The following TRMT61B variants were observed in gnomAD, a reference collection of about 807,000 sequenced individuals.
The protein encoded by TRMT61B is tRNA methyltransferase 61B, also known as tRNA (adenine(58)-N(1))-methyltransferase, mitochondrial.
A neutral mutation model predicts 52.0 loss-of-function variants in TRMT61B; 56 were observed. The ratio of observed to expected loss-of-function variants is 1.08; its 90% CI spans 0.87 to 1.35. The LOEUF (loss-of-function observed/expected upper bound fraction) is 1.35. TRMT61B is among the 40% of genes most tolerant of loss of function. The probability of loss-of-function intolerance (pLI) is 0.00; values close to 1 mark genes in which losing one functional copy is unlikely to be tolerated. For synonymous variants in TRMT61B, 206 were observed against 220.0 expected (o/e 0.94, Z 0.56); for missense variants, 650 against 577.9 (o/e 1.12, Z -1.28).
At position 28,865,017 on chromosome 2, in the gene TRMT61B, C is replaced by T; in HGVS notation, c.802G>A (p.Val268Ile). 6.3e-7 allele frequency: 1 copy of T among 1,598,352 alleles called. No individual in the cohort carries two copies. Among genetic ancestry groups the T allele is most frequent in the Non-Finnish European group, 8.6e-7 (1 of 1,166,040 alleles). Reference sequence around the variant, plus strand: ...GATCCAGCTCAGTCCAATCTCTTACCTGCTTTGGATAAAAATAAGCTCATT... The same window carrying T: ...GATCCAGCTCAGTCCAATCTCTTACTTGCTTTGGATAAAAATAAGCTCATT... ...GGMSLFLSKA[V>I]GSQGRVISFE... The change falls in exon 2 of 7, where the codon GTT becomes ATT. Residue 268 changes from valine (V) to isoleucine (I), a missense_variant and splice_region_variant. Val to Ile is a conservative substitution (Grantham distance 29, BLOSUM62 3). Transcript: ENST00000306108.
At chr2:28,867,503 T>C (rs1259188211) in intron 1 of TRMT61B, among the ~76,000 whole-genome samples, 1 of 152,174 alleles carries the variant, frequency 6.6e-6, no homozygotes, top group Non-Finnish European at 1.5e-5. Flanking sequence ...TTGTAGAAGT[T>C]GAAGTAAAAC....
rs1447139745 is a variant in TRMT61B at position 28,849,997 on chromosome 2, C to T, written c.*202G>A. 2 of 1,376,382 alleles carry T rather than the reference C, an allele frequency of 1.5e-6. No homozygotes were observed. The highest frequency in any genetic ancestry group is 2.0e-6 in the Non-Finnish European group (2 of 985,758). The allele number at this position is 1,376,382 out of a possible 1,614,324, so 85.3% of individuals were successfully genotyped here. A position where few individuals can be genotyped will look rare whatever the true frequency, so the allele number is the denominator to read the frequency against. ...TAACTACAAAATGTCAAACTAACTG[C>T]AAGACAAGTGTCAAAATGGGATGTT... On this transcript the variant is annotated 3_prime_UTR_variant, in exon 7 of 7. Coordinates refer to ENST00000306108, the MANE Select transcript of TRMT61B (RefSeq NM_017910.4).
chr2:28,850,746 A>G, intron 5 of TRMT61B: 1 of 311,868 alleles, frequency 3.2e-6, no homozygotes, highest in Non-Finnish European at 5.7e-6. Flanking sequence ...TTTTTGGAAT[A>G]TTAGCTATTT....
At chr2:28,866,234 G>T (rs1669840324) in intron 1 of TRMT61B, among the ~76,000 whole-genome samples, 1 of 151,986 alleles carries the variant, frequency 6.6e-6, no homozygotes, top group South Asian at 2.1e-4. Flanking sequence ...CAGGTGATCT[G>T]CCCGCCTCGG....
chr2:28,858,794 C>CAAA (rs1033258916), intron 3 of TRMT61B, among the ~76,000 whole-genome samples: 12 of 23,566 alleles, frequency 5.1e-4, no homozygotes, highest in African/African-American at 1.4e-3. Flanking sequence ...GACTCCGTCT[C>CAAA]AAAAAAAAAA....
intron 4 of TRMT61B, among the ~76,000 whole-genome samples, chr2:28,851,691 C>G (rs1669104208): frequency 6.6e-6 from 1 of 151,892 alleles, no homozygotes; most frequent in Non-Finnish European, 1.5e-5. Flanking sequence ...ACCAGCCTGG[C>G]CAACATGGTG....
At chr2:28,855,243 A>G (rs1669294199) in intron 3 of TRMT61B, among the ~76,000 whole-genome samples, 1 of 152,224 alleles carries the variant, frequency 6.6e-6, no homozygotes, top group Non-Finnish European at 1.5e-5. Context: ...GCTTTACTCA[A>G]TTGAGAAGCC....
chr2:28,870,110 C>G lies in TRMT61B; in HGVS notation c.168G>C (p.Ala56=). Residue 56 remains alanine, a synonymous_variant, in exon 1 of 7, where the codon GCG becomes GCC. Coordinates refer to ENST00000306108, the MANE Select transcript of TRMT61B (RefSeq NM_017910.4). ...CTGCTCCTGGGGCTTTCCTTTGTGCCGCCTCGTGCTCTCTTTCTCCATCTC... is the reference window on the plus strand; with the variant it reads ...CTGCTCCTGGGGCTTTCCTTTGTGCGGCCTCGTGCTCTCTTTCTCCATCTC... ...DLRDGEREHE[A]AQRKAPGAES... is the part of the protein sequence containing the mutation. 2 of 1,614,048 alleles carry G rather than the reference C, an allele frequency of 1.2e-6. No individual in the cohort carries two copies. The highest frequency in any genetic ancestry group is 1.1e-5 in the South Asian group (1 of 91,074).
chr2:28,859,925 C>T (rs1669525331), intron 3 of TRMT61B, among the ~76,000 whole-genome samples: 1 of 152,134 alleles, frequency 6.6e-6, no homozygotes, highest in East Asian at 1.9e-4. Context: ...GAAGCTGTGC[C>T]ACTAAAACTA....
At chr2:28,861,392 A>G in intron 2 of TRMT61B, 84 bp from the exon 3 acceptor site, 2 of 1,055,648 alleles carry the variant, frequency 1.9e-6, no homozygotes, top group South Asian at 3.8e-5. Context: ...AAGGTACTAC[A>G]TGTATGTGAA....
intron 3 of TRMT61B, among the ~76,000 whole-genome samples, chr2:28,856,362 GA>G (rs1410550350): frequency 6.6e-6 from 1 of 152,126 alleles, no homozygotes; most frequent in Non-Finnish European, 1.5e-5. Context: ...ATATCTTGTT[GA>G]AATATTATAA....
intron 3 of TRMT61B, among the ~76,000 whole-genome samples, chr2:28,854,770 A>AAAAAAAAAG (rs777576460): frequency 9.1e-6 from 1 of 109,414 alleles, no homozygotes; most frequent in African/African-American, 3.5e-5. Flanking sequence ...AAAAAAAAAA[A>AAAAAAAAAG]ACTGCCAGGC....
intron 2 of TRMT61B, among the ~76,000 whole-genome samples, chr2:28,864,348 TA>T (rs1669736444): frequency 6.6e-6 from 1 of 152,060 alleles, no homozygotes; most frequent in Admixed American, 6.6e-5. Context: ...CTATTTGTAA[TA>T]TCCAACTCAA....
In TRMT61B at chr2:28,861,236, T is replaced by C. The variant is rs1384673237; in HGVS notation, c.875A>G (p.Lys292Arg). The C allele has an allele frequency of 6.2e-7, 1 of 1,613,704 alleles. No individual in the cohort carries two copies. Among genetic ancestry groups the C allele is most frequent in the East Asian group, 2.2e-5 (1 of 44,854 alleles). ...TAATTTCCATGAATCACGCCAGTGT[T>C]TGTAATTCTTCTTAGCCAGATCATG... ...DHHDLAKKNY[K>R]HWRDSWKLSH... The change falls in exon 3 of 7, where the codon AAA becomes AGA. Residue 292 changes from lysine (K) to arginine (R), a missense_variant. By Grantham distance (26) the Lys-to-Arg change is conservative. Coordinates refer to ENST00000306108, the MANE Select transcript of TRMT61B (RefSeq NM_017910.4).
rs1670004459 is a variant in TRMT61B, at chr2:28,869,794, C to T, written c.484G>A (p.Gly162Arg). 1 of 1,614,070 alleles carries T rather than the reference C, an allele frequency of 6.2e-7. No homozygotes were observed. Among genetic ancestry groups the T allele is most frequent in the African/African-American group, 1.3e-5 (1 of 74,924 alleles). ...TTCTTAAATTTTGTTTCTCCCTCCC[C>T]AGTCTCAGCTAAAATCAGTTCCCCA... ...QAGELILAET[G>R]EGETKFKKLF... is the part of the protein sequence containing the mutation. The change falls in exon 1 of 7, where the codon GGG becomes AGG. Residue 162 changes from glycine to arginine, a missense_variant. By Grantham distance (125) the Gly-to-Arg change is moderately radical (BLOSUM62 -2). Transcript: ENST00000306108.
rs1177861944 is a variant in TRMT61B, at chr2:28,869,969, C to T, written c.309G>A (p.Glu103=). 5.0e-6 allele frequency: 8 copies of T among 1,613,664 alleles called. No homozygotes were observed. The Admixed American group carries it at 1.2e-4, about 24-fold the overall frequency. ...LREESSPREL[E]DSSGDQGRCG... is the part of the protein sequence containing the mutation. ...ACCGGCCCTGGTCTCCGCTCGAGTC[C>T]TCGAGCTCTCGAGGGGATGACTCTT... is the stretch of plus-strand genomic sequence containing the variant. Residue 103 remains glutamate (E), a synonymous_variant, in exon 1 of 7, where the codon GAG becomes GAA. Coordinates refer to ENST00000306108, the MANE Select transcript of TRMT61B (RefSeq NM_017910.4).
chr2:28,858,128 C>T (rs961347868), intron 3 of TRMT61B, among the ~76,000 whole-genome samples: 1 of 151,556 alleles, frequency 6.6e-6, no homozygotes, highest in Admixed American at 6.6e-5. Flanking sequence ...GCAAGCTCCG[C>T]CTCCCGGGTT....
At chr2:28,862,834 AT>A (rs1311564978) in intron 2 of TRMT61B, among the ~76,000 whole-genome samples, 30 of 23,826 alleles carry the variant, frequency 1.3e-3, no homozygotes, top group African/African-American at 2.8e-3. Flanking sequence ...CTACCAAAAA[AT>A]AAAAAAAAAA....
chr2:28,865,879 C>A (rs1465046317), intron 1 of TRMT61B, among the ~76,000 whole-genome samples: 1 of 151,624 alleles, frequency 6.6e-6, no homozygotes, highest in Non-Finnish European at 1.5e-5. Context: ...TGGGGTTTCA[C>A]CACGTTGGCC....
Sources: gnomAD v4.1 joint callset for allele counts (sites outside exome capture counted in the v4.1 genomes callset) on GRCh38, gnomAD v4.1.1 for gene constraint, MANE v1.5 for transcripts, NCBI Gene and HGNC (gene_info 2026-07-23, HGNC 2026-07-21) for gene names.